AMOTL1: variants seen among roughly 807,000 people sequenced by gnomAD.
AMOTL1 encodes the protein angiomotin like 1, also known as angiomotin-like protein 1.
Under a neutral mutation model 102.9 loss-of-function variants are expected in AMOTL1, and 45 were observed. That is an observed-to-expected ratio of 0.44 (90% CI 0.34 to 0.56). The LOEUF (loss-of-function observed/expected upper bound fraction) is 0.56, where lower values mean the gene tolerates loss of function less well. Ranked by LOEUF, AMOTL1 falls within the 20% of genes least tolerant of loss-of-function variation. AMOTL1 has a pLI of 0.01. For missense variants in AMOTL1, 1,114 were observed against 1,225.6 expected (o/e 0.91, Z 1.36); for synonymous variants, 481 against 484.7 (o/e 0.99, Z 0.10).
At chr11:94,809,725 C>T (rs552948539) in intron 3 of AMOTL1, among the ~76,000 whole-genome samples, 17 of 152,156 alleles carry the variant, frequency 1.1e-4, no homozygotes, top group Non-Finnish European at 1.5e-4. Context: ...TGAATCTAAA[C>T]AATAATGTAT....
chr11:94,768,177 TG>T, upstream of AMOTL1: 2 of 754,480 alleles, frequency 2.7e-6, no homozygotes, highest in Non-Finnish European at 3.2e-6. Flanking sequence ...GCTTGAGCTC[TG>T]GGCAATTTCA....
In AMOTL1 at chr11:94,798,102, G is replaced by T. The variant is rs372725543; in HGVS notation, c.200-1288G>T. ...GAGCTTGTAATGTGGAATGAACACA[G>T]ATTTGGTGTCATATCCCAGTTCTGC... On this transcript the variant is annotated intron_variant, in intron 2 of 12. Coordinates refer to ENST00000433060, the MANE Select transcript of AMOTL1 (RefSeq NM_130847.3). Among the ~76,000 whole-genome samples the T allele has an allele frequency of 3.3e-4, 50 of 152,340 alleles. 1 individual carries two copies. The highest frequency in any genetic ancestry group is 1.1e-3 in the African/African-American group (45 of 41,580).
intron 1 of AMOTL1, among the ~76,000 whole-genome samples, chr11:94,771,481 G>A (rs1310781988): frequency 6.6e-6 from 1 of 152,200 alleles, no homozygotes; most frequent in Non-Finnish European, 1.5e-5. Context: ...GTTGGAAATA[G>A]TCTGAGGTTG....
intron 3 of AMOTL1, among the ~76,000 whole-genome samples, chr11:94,801,099 A>T (rs2135575706): frequency 6.6e-6 from 1 of 152,282 alleles, no homozygotes; most frequent in East Asian, 1.9e-4. Context: ...TGGGCCGAGG[A>T]TGCTAGGGTA....
chr11:94,765,473 G>C (rs1194839857), upstream of AMOTL1, among the ~76,000 whole-genome samples: 1 of 152,182 alleles, frequency 6.6e-6, no homozygotes, highest in Non-Finnish European at 1.5e-5. Context: ...GGCCTGAAAA[G>C]ATTGTTTTCT....
At chr11:94,808,412 C>T (rs1951604038) in intron 3 of AMOTL1, among the ~76,000 whole-genome samples, 1 of 152,174 alleles carries the variant, frequency 6.6e-6, no homozygotes. Flanking sequence ...AATTACTTCA[C>T]TACATCCTTT....
chr11:94,868,040 G>A (rs1370023808), intron 11 of AMOTL1, among the ~76,000 whole-genome samples: 1 of 152,246 alleles, frequency 6.6e-6, no homozygotes, highest in African/African-American at 2.4e-5. Context: ...GCTGCTCAGC[G>A]TGGTCTGTGG....
intron 3 of AMOTL1, among the ~76,000 whole-genome samples, chr11:94,802,457 A>G (rs1478433631): frequency 6.6e-6 from 1 of 152,348 alleles, no homozygotes; most frequent in East Asian, 1.9e-4. Flanking sequence ...ATACCGTGCA[A>G]TGCATACAGT....
chr11:94,746,798 A>G (rs59628799), intron 3 of AMOTL1, among the ~76,000 whole-genome samples: 14,711 of 152,038 alleles, frequency 0.097, 1,444 homozygotes, highest in East Asian at 0.28. Context: ...ATCACATCTC[A>G]AGTGATTTCA....
intron 3 of AMOTL1, among the ~76,000 whole-genome samples, chr11:94,752,074 G>GT (rs1950663038): frequency 6.6e-6 from 1 of 152,098 alleles, no homozygotes; most frequent in African/African-American, 2.4e-5. Flanking sequence ...TATCCTGTTT[G>GT]TTTTTTATTA....
chr11:94,827,111 G>A (rs1034367414), intron 4 of AMOTL1, among the ~76,000 whole-genome samples: 4 of 152,172 alleles, frequency 2.6e-5, no homozygotes, highest in African/African-American at 9.7e-5. Flanking sequence ...TTTGTCATGG[G>A]CAAGGCATAG....
rs527526093 is a variant in AMOTL1, at chr11:94,750,867, A to G, written c.136+9879A>G. Among the ~76,000 whole-genome samples, 87 of 152,272 alleles carry G rather than the reference A, an allele frequency of 5.7e-4. 1 individual carries two copies. The South Asian group carries it at 0.015, about 27-fold the overall frequency. On this transcript the variant is annotated intron_variant, in intron 3 of 4. Transcript: ENST00000299004. Reference sequence around the variant, plus strand: ...AAATCTGAGTAACTCAGTCTTTTCCATGATTAATCTTGTTGGGCACATTAG... The same window carrying G: ...AAATCTGAGTAACTCAGTCTTTTCCGTGATTAATCTTGTTGGGCACATTAG...
chr11:94,839,484 C>G (rs1952252254), intron 6 of AMOTL1, among the ~76,000 whole-genome samples: 1 of 152,166 alleles, frequency 6.6e-6, no homozygotes, highest in Non-Finnish European at 1.5e-5. Context: ...GATTTTGAAC[C>G]TAGGTCATTC....
rs535440117 is a variant in AMOTL1, at chr11:94,816,488, C to T, written c.1122-5042C>T. On this transcript the variant is annotated intron_variant, in intron 3 of 12. Transcript: ENST00000433060. ...TACCCCACAGGGAATAGCAGTGGCA[C>T]TGCAGAAGATCTTTTCTTTTGCCTT... is the stretch of plus-strand genomic sequence containing the variant. Among the ~76,000 whole-genome samples the T allele has an allele frequency of 2.6e-5, 4 of 152,324 alleles. No individual in the cohort carries two copies. The South Asian group carries it at 8.3e-4, about 32-fold the overall frequency.
intron 3 of AMOTL1, among the ~76,000 whole-genome samples, chr11:94,742,910 C>T (rs1950545581): frequency 6.6e-6 from 1 of 152,186 alleles, no homozygotes. Context: ...TCTAAGTGCC[C>T]TAATCCCTCT....
Position 94,869,351 on chromosome 11 carries a change from A to G in AMOTL1, c.2642A>G (p.Lys881Arg), listed in dbSNP as rs748714983. The G allele has an allele frequency of 1.2e-6, 2 of 1,611,244 alleles. No individual in the cohort carries two copies. The highest frequency in any genetic ancestry group is 1.7e-6 in the Non-Finnish European group (2 of 1,178,842). The change falls in exon 12 of 13, where the codon AAG becomes AGG. Residue 881 changes from lysine (K) to arginine (R), a missense_variant. Coordinates refer to ENST00000433060, the MANE Select transcript of AMOTL1 (RefSeq NM_130847.3). ...GSKDSSTQTD[K>R]SAELFWPSMA... ...AAGGACAGCAGCACACAGACTGACAAGAGTGCCGAGCTCTTCTGGCCCAGC... is the reference window on the plus strand; with the variant it reads ...AAGGACAGCAGCACACAGACTGACAGGAGTGCCGAGCTCTTCTGGCCCAGC...
intron 3 of AMOTL1, among the ~76,000 whole-genome samples, chr11:94,751,444 G>A (rs1343400408): frequency 6.6e-6 from 1 of 151,996 alleles, no homozygotes; most frequent in African/African-American, 2.4e-5. Context: ...TAAAAGAAAC[G>A]AAACCTTTGC....
intron 1 of AMOTL1, among the ~76,000 whole-genome samples, chr11:94,783,980 G>A (rs1337919166): frequency 1.3e-5 from 2 of 151,386 alleles, no homozygotes; most frequent in African/African-American, 4.9e-5. Flanking sequence ...TTGCCTCTTA[G>A]CCTTATGGCT....
At chr11:94,857,412 G>A (rs1184563847) in intron 8 of AMOTL1, among the ~76,000 whole-genome samples, 1 of 152,140 alleles carries the variant, frequency 6.6e-6, no homozygotes, top group African/African-American at 2.4e-5. Flanking sequence ...ATTGAAGGGG[G>A]GTGGAGAGAG....
Sources: gnomAD v4.1 joint callset for allele counts (sites outside exome capture counted in the v4.1 genomes callset) on GRCh38, gnomAD v4.1.1 for gene constraint, MANE v1.5 for transcripts, NCBI Gene and HGNC (gene_info 2026-07-23, HGNC 2026-07-21) for gene names.